The following PREX1 variants were observed in gnomAD, a reference collection of about 807,000 sequenced individuals.
PREX1 encodes phosphatidylinositol 3,4,5-trisphosphate-dependent Rac exchanger 1 protein.
PREX1 carries 41 observed loss-of-function variants against 198.3 expected under a neutral mutation model. The observed-to-expected ratio is 0.21, with a 90% CI of 0.16 to 0.27. PREX1 has a LOEUF of 0.27. Ranked by LOEUF, PREX1 falls within the 10% of genes least tolerant of loss-of-function variation. PREX1 has a pLI of 1.00. For missense variants in PREX1, 1,620 were observed against 2,200.7 expected, an observed-to-expected ratio of 0.74 and a Z score of 5.28; for synonymous variants, 843 against 887.2, an observed-to-expected ratio of 0.95 and a Z score of 0.89.
Position 48,626,001 on chromosome 20 carries a change from C to T in PREX1, c.4938-74G>A, listed in dbSNP as rs188590972. The T allele has an allele frequency of 4.8e-4, 672 of 1,400,076 alleles. 6 individuals are homozygous for T. In the African/African-American group the frequency reaches 9.3e-3, roughly 19 times the overall value. 86.7% of individuals were successfully genotyped at this position (1,400,076 alleles called of 1,614,324 possible). A position where few individuals can be genotyped will look rare whatever the true frequency, so the allele number is the denominator to read the frequency against. ...CCTATTTGTATTATTTCCATTTTTA[C>T]CTGAACATGTAATTCATGCCCAGAA... On this transcript the variant is annotated intron_variant, in intron 39 of 39. Coordinates refer to ENST00000371941, the MANE Select transcript of PREX1 (RefSeq NM_020820.4).
chr20:48,704,557 C>CTT (rs1287851050), intron 6 of PREX1, among the ~76,000 whole-genome samples: 9 of 151,070 alleles, frequency 6.0e-5, no homozygotes, highest in South Asian at 4.2e-4. Flanking sequence ...TCCTTCCTTC[C>CTT]TCCCTCCCTC....
intron 21 of PREX1, 88 bp from the exon 22 acceptor site, chr20:48,651,671 GC>G (rs1485353997): frequency 7.4e-7 from 1 of 1,351,352 alleles, no homozygotes; most frequent in African/African-American, 1.4e-5. Context: ...AGCCTTCCAG[GC>G]AGTGGGAACA....
chr20:48,766,442 G>A (rs944254456), intron 1 of PREX1, among the ~76,000 whole-genome samples: 1 of 152,170 alleles, frequency 6.6e-6, no homozygotes, highest in Non-Finnish European at 1.5e-5. Flanking sequence ...GGGCTCTGCA[G>A]GACCTGACCT....
intron 21 of PREX1, 37 bp from the exon 22 acceptor site, chr20:48,651,620 AGAGG>A (rs1272066351): frequency 6.3e-7 from 1 of 1,584,088 alleles, no homozygotes; most frequent in African/African-American, 1.3e-5. Flanking sequence ...AGCAGAGATC[AGAGG>A]GAGGGAGGAA....
Position 48,655,350 on chromosome 20 carries a change from C to T in PREX1, c.2149G>A (p.Asp717Asn), listed in dbSNP as rs753510247. The T allele has an allele frequency of 3.1e-6, 5 of 1,594,720 alleles. No homozygotes were observed. Among genetic ancestry groups the T allele is most frequent in the African/African-American group, 1.3e-5 (1 of 74,184 alleles). ...KEIIKIPDQP[D>N]TLCFQIRGAA... is the part of the protein sequence containing the mutation. ...CCACGAATCTGGAAGCACAGTGTGT[C>T]CGGCTGGTCGGGGATTTTGATGATC... Residue 717 changes from aspartate (D) to asparagine (N), a missense_variant, in exon 19 of 40, where the codon GAC (aspartate) becomes AAC (asparagine). Physicochemically the swap from Asp to Asn is conservative, Grantham distance 23. Transcript: ENST00000371941.
At chr20:48,735,879 T>TA (rs1296235484) in intron 3 of PREX1, among the ~76,000 whole-genome samples, 3 of 151,954 alleles carry the variant, frequency 2.0e-5, no homozygotes, top group African/African-American at 7.3e-5. Flanking sequence ...GGGAGGCAAA[T>TA]ACCCAGGGTA....
At chr20:48,853,987 C>T in the PREX1 span, among the ~76,000 whole-genome samples, 3 of 152,212 alleles carry the variant, frequency 2.0e-5, no homozygotes, top group Middle Eastern at 3.2e-3. Context: ...GGGTCCCGTG[C>T]ACACCTCTCA....
At chr20:48,846,313 C>A in the PREX1 span, among the ~76,000 whole-genome samples, 2 of 152,190 alleles carry the variant, frequency 1.3e-5, no homozygotes, top group Non-Finnish European at 2.9e-5. Flanking sequence ...TATAATTTCA[C>A]GGCGGAGAGG....
intron 31 of PREX1, 59 bp downstream of exon 31, chr20:48,637,652 G>C (rs1432088771): frequency 1.4e-6 from 2 of 1,471,044 alleles, no homozygotes; most frequent in Non-Finnish European, 1.8e-6. Context: ...ATGGATGGTC[G>C]GCCTTGGGTG....
chr20:48,682,806 C>A (rs1357860818), intron 10 of PREX1, among the ~76,000 whole-genome samples: 1 of 152,200 alleles, frequency 6.6e-6, no homozygotes, highest in Non-Finnish European at 1.5e-5. Flanking sequence ...GCTGTTTCCG[C>A]CGAGGCAATC....
chr20:48,713,414 T>C (rs1308374862), intron 5 of PREX1, among the ~76,000 whole-genome samples: 2 of 152,166 alleles, frequency 1.3e-5, no homozygotes, highest in African/African-American at 4.8e-5. Flanking sequence ...ATTAAGCCCC[T>C]GCACTCCAGC....
intron 1 of PREX1, among the ~76,000 whole-genome samples, chr20:48,764,829 G>C (rs1434327050): frequency 6.6e-6 from 1 of 151,310 alleles, no homozygotes; most frequent in Non-Finnish European, 1.5e-5. Flanking sequence ...GGAGGTAGGA[G>C]AGTGAGTGCC....
chr20:48,796,756 A>G (rs1167769181), intron 1 of PREX1, among the ~76,000 whole-genome samples: 1 of 147,978 alleles, frequency 6.8e-6, no homozygotes, highest in Non-Finnish European at 1.5e-5. Flanking sequence ...GCGTAATTAT[A>G]TATACATATA....
At chr20:48,766,331 G>A (rs553245332) in intron 1 of PREX1, among the ~76,000 whole-genome samples, 98 of 152,260 alleles carry the variant, frequency 6.4e-4, no homozygotes, top group African/African-American at 2.2e-3. Flanking sequence ...ATCCCTGGGT[G>A]GAGTGACACA....
chr20:48,715,540 C>A (rs867221438), intron 5 of PREX1, among the ~76,000 whole-genome samples: 1 of 152,168 alleles, frequency 6.6e-6, no homozygotes, highest in South Asian at 2.1e-4. Context: ...GGGCCTTGCA[C>A]AAGTGGCCTC....
At chr20:48,725,262 C>T (rs1027597256) in intron 5 of PREX1, among the ~76,000 whole-genome samples, 1 of 152,232 alleles carries the variant, frequency 6.6e-6, no homozygotes, top group Admixed American at 6.5e-5. Context: ...CCACAGGGAA[C>T]CTAAAACACA....
intron 15 of PREX1, among the ~76,000 whole-genome samples, chr20:48,661,547 A>C (rs866294422): frequency 7.9e-6 from 1 of 126,008 alleles, no homozygotes; most frequent in East Asian, 2.3e-4. Context: ...GTGTGTGTAT[A>C]TATATATATA....
At chr20:48,721,654 G>T (rs1460308196) in intron 5 of PREX1, among the ~76,000 whole-genome samples, 3 of 152,030 alleles carry the variant, frequency 2.0e-5, no homozygotes, top group African/African-American at 7.3e-5. Context: ...GGAGTGAGCA[G>T]AGAGTCCTGG....
At chr20:48,884,986 T>G in the PREX1 span, among the ~76,000 whole-genome samples, 1 of 152,174 alleles carries the variant, frequency 6.6e-6, no homozygotes, top group Non-Finnish European at 1.5e-5. Context: ...TGACCACCTG[T>G]GTTGGACCCC....
Sources: gnomAD v4.1 joint callset for allele counts (sites outside exome capture counted in the v4.1 genomes callset) on GRCh38, gnomAD v4.1.1 for gene constraint, MANE v1.5 for transcripts, NCBI Gene and HGNC (gene_info 2026-07-23, HGNC 2026-07-21) for gene names.